The following CSMD1 variants were observed in gnomAD, a reference collection of about 807,000 sequenced individuals.
CSMD1 encodes the protein CUB and Sushi multiple domains 1, also known as CUB and sushi domain-containing protein 1.
Under a neutral mutation model 417.5 loss-of-function variants are expected in CSMD1, and 213 were observed. That is an observed-to-expected ratio of 0.51 (90% CI 0.46 to 0.57). CSMD1 has a LOEUF of 0.57. Among genes scored for constraint, CSMD1 ranks in the 20% least tolerant of loss-of-function variants. The pLI is 0.00. For missense variants in CSMD1, 6,923 were observed against 4,529.7 expected, an observed-to-expected ratio of 1.53 and a Z score of -15.17; for synonymous variants, 2,862 against 1,736.8, an observed-to-expected ratio of 1.65 and a Z score of -16.11.
intron 12 of CSMD1, among the ~76,000 whole-genome samples, chr8:3,457,265 G>T (rs185481884): frequency 8.4e-4 from 127 of 151,540 alleles, no homozygotes; most frequent in African/African-American, 3.0e-3. Flanking sequence ...TGTTTCCCTT[G>T]CCCTGTACCC....
intron 1 of CSMD1, among the ~76,000 whole-genome samples, chr8:4,656,104 G>A (rs369610391): frequency 6.6e-6 from 1 of 152,144 alleles, no homozygotes; most frequent in East Asian, 1.9e-4. Flanking sequence ...GTCTTATGGG[G>A]GCAAAGTGTA....
intron 50 of CSMD1, among the ~76,000 whole-genome samples, chr8:3,049,335 T>A (rs1373521352): frequency 1.3e-5 from 2 of 152,154 alleles, no homozygotes; most frequent in African/African-American, 2.4e-5. Flanking sequence ...GCAACCCAGA[T>A]GTTGTCTGTA....
At chr8:4,321,977 G>C (rs1563451379) in intron 3 of CSMD1, among the ~76,000 whole-genome samples, 1 of 151,872 alleles carries the variant, frequency 6.6e-6, no homozygotes, top group African/African-American at 2.4e-5. Context: ...CAGGGTCATA[G>C]ACATTGTTAA....
chr8:4,933,414 A>G (rs910340002), intron 1 of CSMD1, among the ~76,000 whole-genome samples: 2 of 152,214 alleles, frequency 1.3e-5, no homozygotes, highest in East Asian at 1.9e-4. Flanking sequence ...GAAAAAAGTC[A>G]TATTTTGGGT....
chr8:3,745,843 A>T (rs774516216), intron 6 of CSMD1, among the ~76,000 whole-genome samples: 4 of 152,228 alleles, frequency 2.6e-5, no homozygotes, highest in African/African-American at 7.2e-5. Flanking sequence ...AGCTGTGAAT[A>T]ATCTGTGGTT....
chr8:4,406,608 A>C (rs947826026), intron 3 of CSMD1, among the ~76,000 whole-genome samples: 2 of 152,290 alleles, frequency 1.3e-5, no homozygotes, highest in East Asian at 1.9e-4. Flanking sequence ...CACACCAAGG[A>C]AAGTGACCGG....
chr8:3,848,855 CA>C (rs1803687620), intron 5 of CSMD1, among the ~76,000 whole-genome samples: 1 of 151,674 alleles, frequency 6.6e-6, no homozygotes, highest in South Asian at 2.1e-4. Flanking sequence ...ATAAAGCACA[CA>C]TTTTTTTCAG....
chr8:3,841,215 A>G (rs1043654554), intron 5 of CSMD1, among the ~76,000 whole-genome samples: 4 of 152,208 alleles, frequency 2.6e-5, no homozygotes, highest in Non-Finnish European at 2.9e-5. Context: ...CAATTTCAAT[A>G]AACTTGTTTG....
intron 3 of CSMD1, among the ~76,000 whole-genome samples, chr8:4,097,502 G>C (rs971637259): frequency 6.6e-6 from 1 of 152,168 alleles, no homozygotes; most frequent in Non-Finnish European, 1.5e-5. Flanking sequence ...GATTCCCTTT[G>C]AATGTCTTGT....
intron 58 of CSMD1, among the ~76,000 whole-genome samples, chr8:2,966,170 C>T (rs1803934522): frequency 6.6e-6 from 1 of 152,164 alleles, no homozygotes; most frequent in East Asian, 1.9e-4. Context: ...GTTCCGTTGG[C>T]AGCTGGCTGT....
intron 52 of CSMD1, among the ~76,000 whole-genome samples, chr8:3,001,023 A>G (rs1563223526): frequency 6.6e-6 from 1 of 150,864 alleles, no homozygotes; most frequent in African/African-American, 2.4e-5. Flanking sequence ...TCTGTCACTC[A>G]AGCTGGAATG....
At chr8:4,675,402 G>C (rs1226717101) in intron 1 of CSMD1, among the ~76,000 whole-genome samples, 1 of 152,130 alleles carries the variant, frequency 6.6e-6, no homozygotes, top group Non-Finnish European at 1.5e-5. Flanking sequence ...TCATTTCTGA[G>C]CTGGCTGACT....
chr8:4,162,381 G>C (rs529814121), intron 3 of CSMD1, among the ~76,000 whole-genome samples: 87 of 152,114 alleles, frequency 5.7e-4, no homozygotes, highest in African/African-American at 2.1e-3. Flanking sequence ...ATGTTTTTTG[G>C]TTTTATCTTG....
chr8:4,858,805 A>C (rs986164012), intron 1 of CSMD1, among the ~76,000 whole-genome samples: 2 of 144,242 alleles, frequency 1.4e-5, no homozygotes, highest in African/African-American at 5.1e-5. Context: ...GCTCATGGGT[A>C]GGAAGAATCA....
At chr8:4,176,684 C>T (rs570366581) in intron 3 of CSMD1, among the ~76,000 whole-genome samples, 146 of 151,070 alleles carry the variant, frequency 9.7e-4, no homozygotes, top group African/African-American at 3.3e-3. Flanking sequence ...TCAGGAAAGC[C>T]ATCTCACGTG....
chr8:4,633,101 G>A (rs751823973), intron 2 of CSMD1, among the ~76,000 whole-genome samples: 3 of 152,162 alleles, frequency 2.0e-5, no homozygotes, highest in South Asian at 2.1e-4. Flanking sequence ...CCCGAGAGGG[G>A]AGCCTGGGGC....
At chr8:3,329,729 G>C (rs4875194) in intron 23 of CSMD1, among the ~76,000 whole-genome samples, 28,141 of 151,990 alleles carry the variant, frequency 0.19, 3,120 homozygotes, top group East Asian at 0.35. Flanking sequence ...AGTGCTAACT[G>C]AAGAGTGTGA....
At chr8:4,464,060 G>T (rs1036541922) in intron 2 of CSMD1, among the ~76,000 whole-genome samples, 1 of 152,132 alleles carries the variant, frequency 6.6e-6, no homozygotes, top group African/African-American at 2.4e-5. Context: ...AAGGAATATG[G>T]TAAGAAGACT....
chr8:3,136,906 T>A (rs941838183), intron 41 of CSMD1, among the ~76,000 whole-genome samples: 2 of 148,872 alleles, frequency 1.3e-5, no homozygotes, highest in Non-Finnish European at 3.0e-5. Flanking sequence ...TTTTTAAAAA[T>A]TTTTTTCTAT....
Sources: gnomAD v4.1 joint callset for allele counts (sites outside exome capture counted in the v4.1 genomes callset) on GRCh38, gnomAD v4.1.1 for gene constraint, MANE v1.5 for transcripts, NCBI Gene and HGNC (gene_info 2026-07-23, HGNC 2026-07-21) for gene names.